Variants in PCBP3 observed in about 807,000 individuals in gnomAD.
The protein encoded by PCBP3 is poly(rC)-binding protein 3.
Under a neutral mutation model 52.7 loss-of-function variants are expected in PCBP3, and 25 were observed. That is an observed-to-expected ratio of 0.47 (90% CI 0.35 to 0.66). The LOEUF (loss-of-function observed/expected upper bound fraction) is 0.66, where lower values mean the gene tolerates loss of function less well. Ranked by LOEUF, PCBP3 falls within the 30% of genes least tolerant of loss-of-function variation. The pLI is 0.01. For missense variants in PCBP3, 391 were observed against 490.3 expected, an observed-to-expected ratio of 0.80 and a Z score of 1.91; for synonymous variants, 162 against 183.0, an observed-to-expected ratio of 0.89 and a Z score of 0.93.
At chr21:45,873,448 C>T (rs2095119800) in intron 5 of PCBP3, 1 of 152,226 alleles carries the variant, frequency 6.6e-6, no homozygotes. Context: ...TCTTAACAGT[C>T]AGAGCTTTCT....
chr21:45,881,717 C>T (rs2095409917), intron 5 of PCBP3, among the ~76,000 whole-genome samples: 1 of 152,182 alleles, frequency 6.6e-6, no homozygotes, highest in Admixed American at 6.5e-5. Flanking sequence ...GCTCCCATTT[C>T]CCCCAACCCC....
intron 13 of PCBP3, among the ~76,000 whole-genome samples, chr21:45,923,092 A>C (rs2074693695): frequency 6.6e-6 from 1 of 152,254 alleles, no homozygotes; most frequent in Non-Finnish European, 1.5e-5. Context: ...TTTCCCCTGG[A>C]CACATGAAGG....
At chr21:45,752,396 A>T (rs920390593) in intron 3 of PCBP3, among the ~76,000 whole-genome samples, 1 of 151,034 alleles carries the variant, frequency 6.6e-6, no homozygotes, top group Admixed American at 6.6e-5. Context: ...ATGTTTGCTC[A>T]TTGATATTCA....
At chr21:45,679,686 C>T (rs2147498071) in intron 2 of PCBP3, among the ~76,000 whole-genome samples, 1 of 152,250 alleles carries the variant, frequency 6.6e-6, no homozygotes, top group East Asian at 1.9e-4. Context: ...TGCTCTTAAT[C>T]CTCTTAATCA....
intron 5 of PCBP3, among the ~76,000 whole-genome samples, chr21:45,895,053 C>A (rs897828973): frequency 1.3e-5 from 2 of 152,158 alleles, no homozygotes; most frequent in African/African-American, 2.4e-5. Context: ...GTGTAGACAG[C>A]GTGTCACTTT....
chr21:45,847,768 A>G (rs1182637752), intron 4 of PCBP3, among the ~76,000 whole-genome samples: 1 of 152,178 alleles, frequency 6.6e-6, no homozygotes, highest in Non-Finnish European at 1.5e-5. Context: ...CTCAGTTGTA[A>G]TCATTACTGG....
intron 5 of PCBP3, among the ~76,000 whole-genome samples, chr21:45,879,250 A>G (rs1048148149): frequency 1.3e-5 from 2 of 151,834 alleles, no homozygotes; most frequent in African/African-American, 4.9e-5. Flanking sequence ...CTCCCAAAGT[A>G]CCGGGTTTAC....
intron 4 of PCBP3, among the ~76,000 whole-genome samples, chr21:45,844,374 G>A (rs2093761301): frequency 6.6e-6 from 1 of 152,110 alleles, no homozygotes. Context: ...GTGCTGCCCT[G>A]CCCTCCAGAG....
chr21:45,656,161 A>G lies in PCBP3; in HGVS notation c.-279+12293A>G, dbSNP rs1228675216. On this transcript the variant is annotated intron_variant, in intron 1 of 17. Coordinates refer to ENST00000681687, the MANE Select transcript of PCBP3 (RefSeq NM_001384156.1). This position sits in a 1 kb window ranked among gnomAD's most constrained non-coding sequence, Gnocchi z 4.3. Reference sequence around the variant, plus strand: ...TTACTGGGTATATACCCAAAGGATTATAAATCATTCTACTGTAAATACACA... The same window carrying G: ...TTACTGGGTATATACCCAAAGGATTGTAAATCATTCTACTGTAAATACACA... Among the ~76,000 whole-genome samples the G allele has an allele frequency of 6.6e-6, 1 of 152,220 alleles. No individual in the cohort carries two copies. The highest frequency in any genetic ancestry group is 2.4e-5 in the African/African-American group (1 of 41,440).
At chr21:45,766,974 ACACT>A (rs921663762) in intron 4 of PCBP3, among the ~76,000 whole-genome samples, 3 of 152,280 alleles carry the variant, frequency 2.0e-5, no homozygotes, top group East Asian at 1.9e-4. Context: ...TTTCACACAC[ACACT>A]CACTCACTAA....
Position 45,910,980 on chromosome 21 carries a change from C to T in PCBP3, c.550C>T (p.Pro184Ser). Residue 184 changes from proline to serine, a missense_variant, in exon 11 of 18, where the codon CCA (proline) becomes TCA (serine). Coordinates refer to ENST00000681687, the MANE Select transcript of PCBP3 (RefSeq NM_001384156.1). ...TERAVTISGT[P>S]DAIIQCVKQI... ...GCGAGCGGTGACCATCTCGGGGACC[C>T]CAGATGCCATCATCCAGTGCGTCAA... 1 of 1,612,190 alleles carries T rather than the reference C, an allele frequency of 6.2e-7. No individual in the cohort carries two copies.
chr21:45,924,359 G>A (rs868006727), intron 13 of PCBP3, among the ~76,000 whole-genome samples: 9 of 103,084 alleles, frequency 8.7e-5, no homozygotes, highest in African/African-American at 4.0e-4. Flanking sequence ...GAGGAGATGC[G>A]AACACCGGGA....
At chr21:45,784,757 T>G (rs1429885471) in intron 4 of PCBP3, among the ~76,000 whole-genome samples, 1 of 152,216 alleles carries the variant, frequency 6.6e-6, no homozygotes, top group Non-Finnish European at 1.5e-5. Flanking sequence ...TCTCCTTCAC[T>G]CAGTGCTCAA....
intron 2 of PCBP3, among the ~76,000 whole-genome samples, chr21:45,677,462 T>C (rs2081540255): frequency 6.6e-6 from 1 of 152,210 alleles, no homozygotes; most frequent in South Asian, 2.1e-4. Flanking sequence ...AACATAAAAG[T>C]GCAAGGTAAA....
At chr21:45,862,585 C>A (rs958173614) in intron 5 of PCBP3, among the ~76,000 whole-genome samples, 1 of 152,098 alleles carries the variant, frequency 6.6e-6, no homozygotes, top group Non-Finnish European at 1.5e-5. Flanking sequence ...TCTGTATGAA[C>A]CTCCGATACT....
chr21:45,749,180 C>T (rs915901868), intron 3 of PCBP3, among the ~76,000 whole-genome samples: 1 of 152,128 alleles, frequency 6.6e-6, no homozygotes, highest in Non-Finnish European at 1.5e-5. Context: ...AGCATTGGAG[C>T]AGAATCCAGC....
At chr21:45,909,076 T>G (rs9976042) in intron 9 of PCBP3, among the ~76,000 whole-genome samples, 126,073 of 151,836 alleles carry the variant, frequency 0.83, 52,934 homozygotes, top group East Asian at 1. Flanking sequence ...CACACCCCCT[T>G]CCCACCAGGT....
In PCBP3 at chr21:45,800,757, G is replaced by A. The variant is rs931871235; in HGVS notation, c.-126+45305G>A. On this transcript the variant is annotated intron_variant, in intron 4 of 17. Transcript: ENST00000681687. The surrounding 1 kb of genome is among the most constrained non-coding windows in gnomAD (Gnocchi z 5.3). ...GCCTAGGCCACAGCCCGGGAGGGAG[G>A]ATGTCTTTCCCTGACCTCGTTTGTG... Among the ~76,000 whole-genome samples the A allele has an allele frequency of 2.0e-5, 3 of 152,232 alleles. No individual in the cohort carries two copies. Among genetic ancestry groups the A allele is most frequent in the Non-Finnish European group, 4.4e-5 (3 of 68,040 alleles).
intron 4 of PCBP3, among the ~76,000 whole-genome samples, chr21:45,820,250 G>A (rs1313796707): frequency 1.3e-5 from 2 of 152,254 alleles, no homozygotes; most frequent in African/African-American, 4.8e-5. Flanking sequence ...GGAACACCCA[G>A]TCCGGCTGCC....
Sources: allele counts gnomAD v4.1 joint callset (sites outside exome capture counted in the v4.1 genomes callset), GRCh38; gene constraint gnomAD v4.1.1; non-coding constraint Gnocchi (gnomAD v3.1); transcripts MANE v1.5; gene names NCBI Gene and HGNC (gene_info 2026-07-23, HGNC 2026-07-21).